Variants in GPR39 observed in about 807,000 individuals in gnomAD.
GPR39 encodes the protein zinc sensing receptor.
GPR39 carries 23 observed loss-of-function variants against 18.4 expected under a neutral mutation model. The observed-to-expected ratio is 1.25, with a 90% confidence interval of 0.90 to 1.77. GPR39 has a LOEUF of 1.77. GPR39 is among the 40% of genes most tolerant of loss of function. The pLI, the probability that GPR39 is intolerant of heterozygous loss-of-function variation, is 0.00. For synonymous variants in GPR39, 280 were observed against 257.9 expected (o/e 1.09, Z -0.82); for missense variants, 647 against 602.4 (o/e 1.07, Z -0.78).
chr2:132,571,928 C>A (rs4542907), intron 1 of GPR39, among the ~76,000 whole-genome samples: 33,091 of 152,088 alleles, frequency 0.22, 3,792 homozygotes, highest in Non-Finnish European at 0.26. Flanking sequence ...GCAATGGCTT[C>A]CAGCTGAGTC....
At chr2:132,510,637 G>A (rs1679222706) in intron 1 of GPR39, among the ~76,000 whole-genome samples, 1 of 152,186 alleles carries the variant, frequency 6.6e-6, no homozygotes, top group African/African-American at 2.4e-5. Context: ...GTTGGTCTAA[G>A]GCCACCCAGA....
intron 1 of GPR39, among the ~76,000 whole-genome samples, chr2:132,592,922 C>G (rs1309148895): frequency 1.3e-5 from 2 of 152,076 alleles, no homozygotes; most frequent in African/African-American, 4.8e-5. Context: ...TTCAAGAGTC[C>G]CAGGGCCACC....
At chr2:132,571,798 C>T (rs1434126201) in intron 1 of GPR39, among the ~76,000 whole-genome samples, 3 of 152,166 alleles carry the variant, frequency 2.0e-5, no homozygotes, top group African/African-American at 7.2e-5. Context: ...ATAAAAAACA[C>T]AGCATTCGAT....
chr2:132,590,634 G>A (rs745310482), intron 1 of GPR39, among the ~76,000 whole-genome samples: 1 of 152,102 alleles, frequency 6.6e-6, no homozygotes, highest in South Asian at 2.1e-4. Context: ...ACTGTAAAAA[G>A]AGTCACTTGC....
chr2:132,457,328 A>G (rs1337080335), intron 1 of GPR39, among the ~76,000 whole-genome samples: 1 of 152,210 alleles, frequency 6.6e-6, no homozygotes, highest in African/African-American at 2.4e-5. Flanking sequence ...TTTCAGCTCC[A>G]TCAGTTCATT....
At chr2:132,426,667 G>A (rs867299012) in intron 1 of GPR39, among the ~76,000 whole-genome samples, 8 of 152,174 alleles carry the variant, frequency 5.3e-5, no homozygotes, top group African/African-American at 1.9e-4. Flanking sequence ...AGCCTTTCCC[G>A]ATTTAGAAAC....
intron 1 of GPR39, among the ~76,000 whole-genome samples, chr2:132,526,202 T>TG (rs1679505132): frequency 6.6e-6 from 1 of 152,208 alleles, no homozygotes; most frequent in East Asian, 1.9e-4. Context: ...CCAGACCTTA[T>TG]TGGAGATGTT....
At chr2:132,594,251 T>C (rs1360550617) in intron 1 of GPR39, among the ~76,000 whole-genome samples, 4 of 152,160 alleles carry the variant, frequency 2.6e-5, no homozygotes, top group Non-Finnish European at 4.4e-5. Context: ...CTTCTGGGGC[T>C]GTTAGACACC....
chr2:132,558,745 GC>G (rs2104801801), intron 1 of GPR39, among the ~76,000 whole-genome samples: 1 of 152,290 alleles, frequency 6.6e-6, no homozygotes, highest in Admixed American at 6.5e-5. Context: ...CAAGTAATAA[GC>G]ATTAGTGACC....
At chr2:132,458,981 G>C (rs1156531315) in intron 1 of GPR39, among the ~76,000 whole-genome samples, 1 of 152,152 alleles carries the variant, frequency 6.6e-6, no homozygotes, top group African/African-American at 2.4e-5. Context: ...TGGTTCCAAA[G>C]AGACATTGTT....
intron 1 of GPR39, among the ~76,000 whole-genome samples, chr2:132,549,375 A>G (rs1482164059): frequency 6.6e-6 from 1 of 152,190 alleles, no homozygotes; most frequent in African/African-American, 2.4e-5. Flanking sequence ...TTTGCTCACC[A>G]TATACAGGTT....
At chr2:132,543,212 C>T (rs535079488) in intron 1 of GPR39, among the ~76,000 whole-genome samples, 2 of 152,294 alleles carry the variant, frequency 1.3e-5, no homozygotes, top group South Asian at 2.1e-4. Context: ...TTTCTGGTTG[C>T]CCCTTTCACA....
In GPR39 at chr2:132,452,436, C is replaced by G. The variant is rs111641115; in HGVS notation, c.856+34538C>G. On this transcript the variant is annotated intron_variant, in intron 1 of 1. Coordinates refer to ENST00000329321, the MANE Select transcript of GPR39 (RefSeq NM_001508.3). ...TTTCTTATTTCCATTTCATTCTGTT[C>G]TTACTTTTTTCAATCACTGTTCTTT... 1.9e-3 allele frequency among the ~76,000 whole-genome samples: 286 copies of G among 151,984 alleles called. 2 individuals carry two copies. Among genetic ancestry groups the G allele is most frequent in the African/African-American group, 6.2e-3 (257 of 41,454 alleles).
rs139929819 is a variant in GPR39 at position 132,506,305 on chromosome 2, C to A, written c.856+88407C>A. On this transcript the variant is annotated intron_variant, in intron 1 of 1. Transcript: ENST00000329321. ...TCTTTTTATATTCTGAATATTAGTC[C>A]CTTGTTAGATGAACAGTTGGCAAAT... Among the ~76,000 whole-genome samples, 1,122 of 151,998 alleles carry A rather than the reference C, an allele frequency of 7.4e-3. 18 individuals are homozygous for A. Among genetic ancestry groups the A allele is most frequent in the African/African-American group, 0.026 (1,063 of 41,442 alleles).
In GPR39 at chr2:132,477,111, G is replaced by A. The variant is rs563169319; in HGVS notation, c.856+59213G>A. Among the ~76,000 whole-genome samples the A allele has an allele frequency of 3.9e-5, 6 of 152,300 alleles. No homozygotes were observed. The East Asian group carries it at 1.2e-3, about 29-fold the overall frequency. ...ATCTGTTTTTACATGGACCCAGTGGGAATAATAATTGCTGCAGTGATTATT... is the reference window on the plus strand; with the variant it reads ...ATCTGTTTTTACATGGACCCAGTGGAAATAATAATTGCTGCAGTGATTATT... On this transcript the variant is annotated intron_variant, in intron 1 of 1. Coordinates refer to ENST00000329321, the MANE Select transcript of GPR39 (RefSeq NM_001508.3).
intron 1 of GPR39, among the ~76,000 whole-genome samples, chr2:132,584,408 C>G (rs565143517): frequency 2.0e-5 from 3 of 152,184 alleles, no homozygotes; most frequent in South Asian, 4.1e-4. Context: ...TGCTAGCCAC[C>G]GAATATTCAG....
At chr2:132,626,976 T>G (rs570900857) in intron 1 of GPR39, among the ~76,000 whole-genome samples, 1 of 152,360 alleles carries the variant, frequency 6.6e-6, no homozygotes, top group Non-Finnish European at 1.5e-5. Flanking sequence ...TGTCTTTGCC[T>G]TCCTGTGCAT....
intron 1 of GPR39, among the ~76,000 whole-genome samples, chr2:132,508,731 C>A (rs11687198): frequency 0.39 from 59,100 of 152,028 alleles, 12,150 homozygotes; most frequent in East Asian, 0.79. Context: ...CTGGGCTACA[C>A]CTGCCATCAG....
intron 1 of GPR39, among the ~76,000 whole-genome samples, chr2:132,532,217 C>T (rs1286208636): frequency 6.6e-6 from 1 of 152,188 alleles, no homozygotes; most frequent in Non-Finnish European, 1.5e-5. Context: ...CTATAAACAG[C>T]TCTATGCAAA....
Sources: allele counts gnomAD v4.1 joint callset (sites outside exome capture counted in the v4.1 genomes callset), GRCh38; gene constraint gnomAD v4.1.1; transcripts MANE v1.5; gene names NCBI Gene and HGNC (gene_info 2026-07-23, HGNC 2026-07-21).